TMEM40: variants seen among roughly 807,000 people sequenced by gnomAD.
The protein encoded by TMEM40 is transmembrane protein 40.
TMEM40 carries 34 observed loss-of-function variants against 40.8 expected under a neutral mutation model. The ratio of observed to expected loss-of-function variants is 0.83; its 90% CI spans 0.63 to 1.11. The LOEUF is 1.11. Ranked by LOEUF, TMEM40 falls within the 50% of genes least tolerant of loss-of-function variation. The pLI, the probability that TMEM40 is intolerant of heterozygous loss-of-function variation, is 0.00. For missense variants in TMEM40, 296 were observed against 280.2 expected (o/e 1.06, Z -0.40); for synonymous variants, 106 against 107.0 (o/e 0.99, Z 0.06).
At chr3:12,768,116 G>C (rs1005928788) in intron 1 of TMEM40, among the ~76,000 whole-genome samples, 1 of 152,100 alleles carries the variant, frequency 6.6e-6, no homozygotes, top group African/African-American at 2.4e-5. Flanking sequence ...TCACGGTCTC[G>C]CTGGCTCAGG....
intron 1 of TMEM40, among the ~76,000 whole-genome samples, chr3:12,766,837 G>C (rs1227840012): frequency 6.7e-6 from 1 of 149,690 alleles, no homozygotes; most frequent in African/African-American, 2.6e-5. Context: ...AAGGAGTTTA[G>C]GGGCAGAGGG....
Position 12,736,807 on chromosome 3 carries a change from G to A in TMEM40, c.501C>T (p.Cys167=), listed in dbSNP as rs966066812. ...DDEFFHFVLL[C]FAIGALLVCY... ...ACACCAGCAAGGCCCCGATGGCAAA[G>A]CACAGGAGGACGAAATGGAAAAACT... The change falls in exon 9 of 12, where the codon TGC becomes TGT. Residue 167 remains cysteine (C), a synonymous_variant. Coordinates refer to ENST00000314124, the MANE Select transcript of TMEM40 (RefSeq NM_018306.4). The A allele has an allele frequency of 1.9e-6, 3 of 1,614,054 alleles. No homozygotes were observed. In the African/African-American group the frequency reaches 4.0e-5, roughly 22 times the overall value.
chr3:12,765,419 G>A (rs143629149), intron 1 of TMEM40, among the ~76,000 whole-genome samples: 496 of 152,118 alleles, frequency 3.3e-3, no homozygotes, highest in African/African-American at 0.011. Context: ...TGCCAACGAA[G>A]AGCCCAGGGG....
intron 5 of TMEM40, 161 bp from the exon 6 acceptor site, chr3:12,738,749 G>A: frequency 4.5e-6 from 3 of 661,612 alleles, no homozygotes; most frequent in Non-Finnish European, 2.7e-6. Context: ...CCAACTAAAG[G>A]GGCAGCCACC....
intron 1 of TMEM40, among the ~76,000 whole-genome samples, chr3:12,756,230 A>T (rs957957956): frequency 6.6e-6 from 1 of 152,152 alleles, no homozygotes; most frequent in South Asian, 2.1e-4. Context: ...TGAAAGGTGG[A>T]TTTCCACCCA....
chr3:12,736,952 C>CA, intron 8 of TMEM40, 117 bp from the exon 9 acceptor site: 3 of 1,290,266 alleles, frequency 2.3e-6, no homozygotes. Flanking sequence ...GATCCCAGCT[C>CA]ATTGCAGCCT....
chr3:12,746,903 G>T (rs974609715), intron 3 of TMEM40, among the ~76,000 whole-genome samples: 1 of 152,106 alleles, frequency 6.6e-6, no homozygotes, highest in Non-Finnish European at 1.5e-5. Context: ...ACTCCTTCCT[G>T]CCCAGGGAGG....
At chr3:12,768,485 G>A (rs2061604640) in intron 1 of TMEM40, among the ~76,000 whole-genome samples, 1 of 152,174 alleles carries the variant, frequency 6.6e-6, no homozygotes, top group South Asian at 2.1e-4. Flanking sequence ...TAGACACAGA[G>A]TGCCGATTGG....
intron 1 of TMEM40, among the ~76,000 whole-genome samples, chr3:12,757,340 G>A (rs1575745805): frequency 6.6e-6 from 1 of 151,920 alleles, no homozygotes; most frequent in South Asian, 2.1e-4. Context: ...ATGGTGGCAG[G>A]TGCCTGTAAT....
chr3:12,762,204 A>C (rs1006100002), upstream of TMEM40, among the ~76,000 whole-genome samples: 2 of 152,190 alleles, frequency 1.3e-5, no homozygotes, highest in Non-Finnish European at 2.9e-5. Flanking sequence ...TCCTGGGCTC[A>C]AGTGATTCTC....
At chr3:12,738,252 G>A (rs1559524749) in intron 6 of TMEM40, 84 bp from the exon 7 acceptor site, 1 of 1,490,182 alleles carries the variant, frequency 6.7e-7, no homozygotes, top group Non-Finnish European at 9.3e-7. Flanking sequence ...GGCTATAGGT[G>A]ACCTAAAAAA....
intron 1 of TMEM40, among the ~76,000 whole-genome samples, chr3:12,764,277 G>T (rs2061584883): frequency 6.6e-6 from 1 of 152,160 alleles, no homozygotes; most frequent in South Asian, 2.1e-4. Flanking sequence ...TCATCTTAAA[G>T]CATCTATTAA....
Position 12,734,353 on chromosome 3 carries a change from T to A in TMEM40, c.*421A>T, listed in dbSNP as rs1033696155. The A allele has an allele frequency of 1.1e-4, 19 of 168,296 alleles. No homozygotes were observed. The highest frequency in any genetic ancestry group is 2.2e-4 in the Non-Finnish European group (17 of 78,882). The allele number at this position is 168,296 out of a possible 1,614,324, so 10.4% of individuals were successfully genotyped here. A position where few individuals can be genotyped will look rare whatever the true frequency, so the allele number is the denominator to read the frequency against. On this transcript the variant is annotated 3_prime_UTR_variant, in exon 12 of 12. Transcript: ENST00000314124. ...CTCCCTGCCTCAAAGCAGTGGACCA[T>A]CCATCTCTCCCAGGATGGCTCGGTA...
At chr3:12,738,344 C>T (rs1474496262) in intron 6 of TMEM40, among the ~76,000 whole-genome samples, 176 bp from the exon 7 acceptor site, 1 of 152,232 alleles carries the variant, frequency 6.6e-6, no homozygotes, top group Non-Finnish European at 1.5e-5. Flanking sequence ...TGGGGTCTTG[C>T]TGGGACAGCC....
intron 3 of TMEM40, among the ~76,000 whole-genome samples, chr3:12,748,138 T>G (rs992643948): frequency 8.5e-5 from 13 of 152,292 alleles, no homozygotes; most frequent in African/African-American, 2.4e-4. Flanking sequence ...AGACTTTACC[T>G]GTATAACGAA....
chr3:12,756,431 C>T (rs2106621332), intron 1 of TMEM40, among the ~76,000 whole-genome samples: 1 of 152,284 alleles, frequency 6.6e-6, no homozygotes, highest in South Asian at 2.1e-4. Flanking sequence ...TCAGACCAAG[C>T]TAGATACTAG....
At chr3:12,735,105 T>C (rs2061328143) in intron 11 of TMEM40, among the ~76,000 whole-genome samples, 1 of 152,196 alleles carries the variant, frequency 6.6e-6, no homozygotes, top group South Asian at 2.1e-4. Flanking sequence ...ACTAAAGCTG[T>C]GTGACTGTGG....
chr3:12,765,174 A>T (rs1028474558), intron 1 of TMEM40, among the ~76,000 whole-genome samples: 3 of 149,494 alleles, frequency 2.0e-5, no homozygotes, highest in Non-Finnish European at 4.4e-5. Flanking sequence ...AAATTTTTTT[A>T]AAAAATAAAG....
At chr3:12,737,832 A>G in intron 7 of TMEM40, 78 bp from the exon 8 acceptor site, 5 of 1,395,212 alleles carry the variant, frequency 3.6e-6, no homozygotes, top group Non-Finnish European at 5.1e-6. Context: ...TGCCTCATTG[A>G]GAATTAATAT....
Sources: allele counts gnomAD v4.1 joint callset (sites outside exome capture counted in the v4.1 genomes callset), GRCh38; gene constraint gnomAD v4.1.1; transcripts MANE v1.5; gene names NCBI Gene and HGNC (gene_info 2026-07-23, HGNC 2026-07-21).